GALNT14: variants seen among roughly 807,000 people sequenced by gnomAD.
GALNT14 encodes the protein UDP-GalNAc:polypeptide N-acetylgalactosaminyltransferase 14.
A neutral mutation model predicts 77.5 loss-of-function variants in GALNT14; 60 were observed. The ratio of observed to expected loss-of-function variants is 0.77; its 90% CI spans 0.63 to 0.96. The LOEUF (loss-of-function observed/expected upper bound fraction) is 0.96, where lower values mean the gene tolerates loss of function less well. Ranked by LOEUF, GALNT14 falls within the 40% of genes least tolerant of loss-of-function variation. The pLI is 0.00. For synonymous variants in GALNT14, 280 were observed against 281.7 expected (o/e 0.99, Z 0.06); for missense variants, 710 against 731.0 (o/e 0.97, Z 0.33).
intron 8 of GALNT14, among the ~76,000 whole-genome samples, chr2:30,943,761 C>T (rs1666519250): frequency 6.6e-6 from 1 of 152,168 alleles, no homozygotes; most frequent in Admixed American, 6.5e-5. Context: ...CAACTGGCTC[C>T]AATTTTCCTC....
At chr2:31,063,773 T>G (rs911923227) in intron 1 of GALNT14, among the ~76,000 whole-genome samples, 2 of 152,206 alleles carry the variant, frequency 1.3e-5, no homozygotes, top group African/African-American at 4.8e-5. Context: ...AGGTCCTTAA[T>G]GTCCCTTGTA....
intron 1 of GALNT14, among the ~76,000 whole-genome samples, chr2:31,137,630 A>G (rs936053130): frequency 2.0e-5 from 3 of 152,140 alleles, no homozygotes; most frequent in African/African-American, 7.2e-5. Context: ...CAGCGCCCGG[A>G]GACCGCCAGC....
intron 1 of GALNT14, among the ~76,000 whole-genome samples, chr2:31,104,353 A>C (rs1048950319): frequency 6.6e-6 from 1 of 152,212 alleles, no homozygotes; most frequent in East Asian, 1.9e-4. Flanking sequence ...GACAGAAGAT[A>C]GAAACAGATA....
At chr2:30,970,094 T>C (rs1668256677) in intron 2 of GALNT14, among the ~76,000 whole-genome samples, 1 of 152,152 alleles carries the variant, frequency 6.6e-6, no homozygotes. Context: ...TAGTAACTAT[T>C]ATTATTTTTA....
At chr2:31,086,279 G>A (rs1357545136) in intron 1 of GALNT14, among the ~76,000 whole-genome samples, 1 of 152,188 alleles carries the variant, frequency 6.6e-6, no homozygotes, top group Non-Finnish European at 1.5e-5. Flanking sequence ...AGAAGTCACT[G>A]CCTTTAATTA....
At chr2:30,933,294 G>A (rs1202014944) in intron 9 of GALNT14, among the ~76,000 whole-genome samples, 1 of 152,156 alleles carries the variant, frequency 6.6e-6, no homozygotes, top group Non-Finnish European at 1.5e-5. Context: ...AGCTCCTCAT[G>A]TGTAGGTATT....
intron 1 of GALNT14, among the ~76,000 whole-genome samples, chr2:31,038,096 T>A (rs1428722549): frequency 0.059 from 4,513 of 76,328 alleles, 259 homozygotes; most frequent in Non-Finnish European, 0.079. Flanking sequence ...TTTTTTTTTT[T>A]TTTTTTTTTT....
chr2:31,136,859 T>TA (rs764319640), intron 1 of GALNT14, among the ~76,000 whole-genome samples: 11 of 152,178 alleles, frequency 7.2e-5, no homozygotes, highest in Admixed American at 2.0e-4. Context: ...AGGCACCTAC[T>TA]ATGCACCTGG....
At chr2:31,104,029 C>G (rs1416408060) in intron 1 of GALNT14, among the ~76,000 whole-genome samples, 1 of 152,128 alleles carries the variant, frequency 6.6e-6, no homozygotes. Flanking sequence ...CTCACACTTT[C>G]TTTCTTTGCT....
chr2:31,043,140 T>C (rs922893704), intron 1 of GALNT14, among the ~76,000 whole-genome samples: 1 of 152,144 alleles, frequency 6.6e-6, no homozygotes, highest in African/African-American at 2.4e-5. Flanking sequence ...CTGCTTTAGT[T>C]TTCTCTGCCT....
chr2:31,102,314 TTTAG>T (rs2148614918), intron 1 of GALNT14, among the ~76,000 whole-genome samples: 1 of 152,300 alleles, frequency 6.6e-6, no homozygotes, highest in African/African-American at 2.4e-5. Flanking sequence ...TGAGTACTGC[TTTAG>T]CTATATAACA....
At chr2:30,909,131 T>TGAGGCAAAACC (rs1664232531), downstream of GALNT14, among the ~76,000 whole-genome samples, 1 of 151,990 alleles carries the variant, frequency 6.6e-6, no homozygotes, top group Admixed American at 6.5e-5. Context: ...GGCATTACCA[T>TGAGGCAAAACC]TCAGGACATA....
At chr2:31,041,589 A>C (rs1673096812) in intron 1 of GALNT14, among the ~76,000 whole-genome samples, 1 of 152,122 alleles carries the variant, frequency 6.6e-6, no homozygotes, top group South Asian at 2.1e-4. Flanking sequence ...AGAGAGGTAC[A>C]TGCATTGGTC....
chr2:30,969,723 C>A (rs1668228887), intron 2 of GALNT14, among the ~76,000 whole-genome samples: 1 of 152,136 alleles, frequency 6.6e-6, no homozygotes, highest in Admixed American at 6.5e-5. Context: ...TCCCAGAATC[C>A]TGGCTTGGGG....
chr2:30,930,197 C>A (rs1315044364), intron 10 of GALNT14, among the ~76,000 whole-genome samples: 1 of 152,188 alleles, frequency 6.6e-6, no homozygotes, highest in East Asian at 1.9e-4. Context: ...CCTTCACTGC[C>A]AGTAACCAAG....
the GALNT14 span, among the ~76,000 whole-genome samples, chr2:30,902,205 G>A: frequency 5.3e-5 from 8 of 152,080 alleles, no homozygotes; most frequent in African/African-American, 1.2e-4. Context: ...GCTTTGCCTC[G>A]AACTGGTGGA....
intron 1 of GALNT14, among the ~76,000 whole-genome samples, chr2:31,029,767 C>A (rs1042217402): frequency 6.6e-6 from 1 of 152,190 alleles, no homozygotes; most frequent in Non-Finnish European, 1.5e-5. Flanking sequence ...CACCCTACAC[C>A]ACCTTTAAAC....
chr2:31,031,041 G>T (rs1195294579), intron 1 of GALNT14, among the ~76,000 whole-genome samples: 1 of 152,196 alleles, frequency 6.6e-6, no homozygotes, highest in African/African-American at 2.4e-5. Context: ...AAACCAGCAA[G>T]CTCCAATTGT....
At position 31,114,059 on chromosome 2, in the gene GALNT14, C is replaced by G. The variant is rs188718237; in HGVS notation, c.129+23899G>C. 1.3e-3 allele frequency among the ~76,000 whole-genome samples: 196 copies of G among 152,304 alleles called. 1 individual carries two copies. The highest frequency in any genetic ancestry group is 1.8e-3 in the Non-Finnish European group (122 of 68,004). On this transcript the variant is annotated intron_variant, in intron 1 of 14. Coordinates refer to ENST00000349752, the MANE Select transcript of GALNT14 (RefSeq NM_024572.4). ...AGCCTAAGCCTCTAATAAACTCCCCCACCCTGAATCCTTAAAAACTCTTAG... is the reference window on the plus strand; with the variant it reads ...AGCCTAAGCCTCTAATAAACTCCCCGACCCTGAATCCTTAAAAACTCTTAG...
Sources: allele counts gnomAD v4.1 joint callset (sites outside exome capture counted in the v4.1 genomes callset), GRCh38; gene constraint gnomAD v4.1.1; transcripts MANE v1.5; gene names NCBI Gene and HGNC (gene_info 2026-07-23, HGNC 2026-07-21).